Variants in WNK3 observed in about 807,000 individuals in gnomAD.
WNK3 encodes the protein serine/threonine-protein kinase WNK3.
A neutral mutation model predicts 116.7 loss-of-function variants in WNK3; 18 were observed. That is an observed-to-expected ratio of 0.15 (90% CI 0.11 to 0.23). The LOEUF (loss-of-function observed/expected upper bound fraction) is 0.23. WNK3 is among the 10% of genes least tolerant of loss of function. The probability of loss-of-function intolerance (pLI) is 1.00; values close to 1 mark genes in which losing one functional copy is unlikely to be tolerated. For synonymous variants in WNK3, 404 were observed against 469.4 expected, an observed-to-expected ratio of 0.86 and a Z score of 1.80; for missense variants, 993 against 1,323.8, an observed-to-expected ratio of 0.75 and a Z score of 3.88.
intron 10 of WNK3, among the ~76,000 whole-genome samples, chrX:54,266,948 T>C (rs1569537161): frequency 9.1e-6 from 1 of 110,463 alleles, no homozygotes; most frequent in African/African-American, 3.3e-5. Context: ...TGTGTCCATG[T>C]GTTCTCATTG....
chrX:54,199,700 C>T (rs1225128378), intron 23 of WNK3, among the ~76,000 whole-genome samples: 1 of 111,026 alleles, frequency 9.0e-6, no homozygotes, highest in Non-Finnish European at 1.9e-5. Context: ...CAGGTATGGT[C>T]GCGAGCGCCT....
At chrX:54,310,225 CA>C (rs2068871395) in intron 3 of WNK3, among the ~76,000 whole-genome samples, 1 of 109,384 alleles carries the variant, frequency 9.1e-6, no homozygotes, top group Admixed American at 1.0e-4. Context: ...CCAAGCCCTC[CA>C]ACCTTCCATT....
chrX:54,317,426 TG>T, intron 2 of WNK3, among the ~76,000 whole-genome samples: 1 of 110,287 alleles, frequency 9.1e-6, no homozygotes, highest in South Asian at 3.9e-4. Flanking sequence ...CCAAAGTAGC[TG>T]GGATTACAGG....
At chrX:54,335,754 G>A (rs2069227270) in intron 1 of WNK3, among the ~76,000 whole-genome samples, 1 of 112,190 alleles carries the variant, frequency 8.9e-6, no homozygotes, top group African/African-American at 3.2e-5. Context: ...ATTCCAGCTG[G>A]TTTCTTTGCA....
chrX:54,344,655 G>A (rs1557177094), intron 1 of WNK3, among the ~76,000 whole-genome samples: 1 of 111,978 alleles, frequency 8.9e-6, no homozygotes, highest in Non-Finnish European at 1.9e-5. Flanking sequence ...AAATATTTGA[G>A]GCCGGGCGCC....
chrX:54,217,048 G>A lies in WNK3; in HGVS notation c.4870+11666C>T, dbSNP rs782404340. The stretch of plus-strand genomic sequence containing the variant: ...AAAATTAGCCATGTGGGCCGGGCAC[G>A]GTGGCTCACGCCTGTAATCCCAACA... On this transcript the variant is annotated intron_variant, in intron 22 of 23. Transcript: ENST00000354646. Among the ~76,000 whole-genome samples the A allele has an allele frequency of 5.4e-5, 6 of 110,831 alleles. No individual in the cohort carries two copies. The South Asian group carries it at 1.9e-3, about 35-fold the overall frequency.
Position 54,241,791 on chromosome X carries a change from C to T in WNK3, c.3652-2692G>A, listed in dbSNP as rs781793739. 1.8e-3 allele frequency among the ~76,000 whole-genome samples: 197 copies of T among 109,348 alleles called. 1 individual carries two copies. Among genetic ancestry groups the T allele is most frequent in the Non-Finnish European group, 2.6e-3 (135 of 52,571 alleles). 95.0% of individuals were successfully genotyped at this position (109,348 alleles called of 115,157 possible). ...CAACATGGTGAAACCTCATCTCTACCAAAAATATAAAAATTAGCTAGGCGT... is the reference window on the plus strand; with the variant it reads ...CAACATGGTGAAACCTCATCTCTACTAAAAATATAAAAATTAGCTAGGCGT... On this transcript the variant is annotated intron_variant, in intron 17 of 23. Coordinates refer to ENST00000354646, the Ensembl canonical transcript of WNK3.
chrX:54,311,419 A>G, intron 2 of WNK3, 128 bp from the exon 3 acceptor site: 1 of 515,071 alleles, frequency 1.9e-6, no homozygotes, highest in African/African-American at 2.4e-5. Flanking sequence ...TTGCCTGTCA[A>G]TGCTTTTCTC....
chrX:54,211,940 T>C lies in WNK3; in HGVS notation c.4871-9747A>G, dbSNP rs781980530. Among the ~76,000 whole-genome samples the C allele has an allele frequency of 5.3e-3, 571 of 107,643 alleles. 1 individual carries two copies. Among genetic ancestry groups the C allele is most frequent in the Non-Finnish European group, 8.4e-3 (434 of 51,703 alleles). 93.5% of individuals were successfully genotyped at this position (107,643 alleles called of 115,157 possible). Reference sequence around the variant, plus strand: ...TTTAGAACTCAAAAAAAAAAGAAAATATAGGGCCGGGTGCTGTGGCTTACG... The same window carrying C: ...TTTAGAACTCAAAAAAAAAAGAAAACATAGGGCCGGGTGCTGTGGCTTACG... On this transcript the variant is annotated intron_variant, in intron 22 of 23. Transcript: ENST00000354646.
In WNK3 at chrX:54,232,111, G is replaced by GTA. The variant is rs1408295336; in HGVS notation, c.4840+697_4840+698insTA. On this transcript the variant is annotated intron_variant, in intron 21 of 23. Coordinates refer to ENST00000354646, the Ensembl canonical transcript of WNK3. ...TCTGTGTATATGTGTGTGTGTGTGT[G>GTA]TGTATATATATATATATATATATAT... Among the ~76,000 whole-genome samples, 673 of 95,543 alleles carry GTA rather than the reference G, an allele frequency of 7.0e-3. 10 individuals carry two copies. The highest frequency in any genetic ancestry group is 0.03 in the African/African-American group (652 of 21,500). The allele number at this position is 95,543 out of a possible 115,157, so 83.0% of individuals were successfully genotyped here.
At chrX:54,279,970 T>G (rs782751859) in intron 10 of WNK3, among the ~76,000 whole-genome samples, 1 of 112,625 alleles carries the variant, frequency 8.9e-6, no homozygotes, top group South Asian at 3.6e-4. Flanking sequence ...CTCAACATTA[T>G]ACTAGAAGTT....
chrX:54,257,491 G>A lies in WNK3; in HGVS notation c.2103-1604C>T, dbSNP rs782814094. On this transcript the variant is annotated intron_variant, in intron 11 of 23. Coordinates refer to ENST00000354646, the Ensembl canonical transcript of WNK3. Reference sequence around the variant, plus strand: ...TGCATCTAAACAAGGGCGACTGCTTGCTAACATAGAAGATTTCAATAGGCC... The same window carrying A: ...TGCATCTAAACAAGGGCGACTGCTTACTAACATAGAAGATTTCAATAGGCC... Among the ~76,000 whole-genome samples the A allele has an allele frequency of 6.3e-5, 7 of 111,170 alleles. No individual in the cohort carries two copies. In the East Asian group the frequency reaches 8.5e-4, roughly 13 times the overall value.
intron 1 of WNK3, among the ~76,000 whole-genome samples, chrX:54,337,772 A>G (rs1202989029): frequency 1.8e-5 from 2 of 108,973 alleles, no homozygotes; most frequent in Non-Finnish European, 3.8e-5. Flanking sequence ...AAATAAAATA[A>G]AATAAAATCT....
At chrX:54,266,099 C>T (rs2068307797) in intron 10 of WNK3, among the ~76,000 whole-genome samples, 1 of 112,013 alleles carries the variant, frequency 8.9e-6, no homozygotes, top group African/African-American at 3.2e-5. Context: ...ATCAAATATA[C>T]ACAACAGAGC....
chrX:54,338,478 C>T (rs782393923), intron 1 of WNK3, among the ~76,000 whole-genome samples: 38 of 108,855 alleles, frequency 3.5e-4, no homozygotes, highest in South Asian at 1.6e-3. Flanking sequence ...TCTTAGCTAC[C>T]GGGGAGGCTG....
chrX:54,222,940 A>ATATATATATATATATAT (rs869180374), intron 22 of WNK3, among the ~76,000 whole-genome samples: 2 of 86,435 alleles, frequency 2.3e-5, no homozygotes, highest in African/African-American at 6.1e-5. Context: ...ATATATATAT[A>ATATATATATATATATAT]AAAAAAGACA....
At chrX:54,358,654 T>TGC (rs1291268720), upstream of WNK3, 5 of 112,489 alleles carry the variant, frequency 4.4e-5, no homozygotes, top group African/African-American at 1.3e-4. Context: ...AGGACCGCAG[T>TGC]GCGCGCGCGC....
chrX:54,354,858 C>G (rs1387965184), intron 1 of WNK3, among the ~76,000 whole-genome samples: 2 of 110,154 alleles, frequency 1.8e-5, no homozygotes, highest in Non-Finnish European at 3.8e-5. Context: ...CCGAGGCGGG[C>G]GGATCACTTG....
intron 10 of WNK3, among the ~76,000 whole-genome samples, chrX:54,274,349 G>C (rs139421671): frequency 1.3e-3 from 142 of 110,943 alleles, no homozygotes; most frequent in Non-Finnish European, 1.5e-3. Flanking sequence ...ATTTCACTGA[G>C]AAAATAAAAA....
Sources: gnomAD v4.1 joint callset for allele counts (sites outside exome capture counted in the v4.1 genomes callset) on GRCh38, gnomAD v4.1.1 for gene constraint, MANE v1.5 for transcripts, NCBI Gene and HGNC (gene_info 2026-07-23, HGNC 2026-07-21) for gene names.